PPP3CB: variants seen among roughly 807,000 people sequenced by gnomAD.
PPP3CB encodes protein phosphatase 3 catalytic subunit beta.
In PPP3CB, 8 loss-of-function variants were observed where a neutral mutation model predicts 66.4. The ratio of observed to expected loss-of-function variants is 0.12; its 90% CI spans 0.07 to 0.22. The LOEUF (loss-of-function observed/expected upper bound fraction) is 0.22, where lower values mean the gene tolerates loss of function less well. Ranked by LOEUF, PPP3CB falls within the 10% of genes least tolerant of loss-of-function variation. The pLI is 1.00. For missense variants in PPP3CB, 319 were observed against 642.5 expected, an observed-to-expected ratio of 0.50 and a Z score of 5.44; for synonymous variants, 208 against 221.2, an observed-to-expected ratio of 0.94 and a Z score of 0.53.
intron 9 of PPP3CB, among the ~76,000 whole-genome samples, chr10:73,459,128 C>T (rs1031348801): frequency 6.6e-6 from 1 of 152,046 alleles, no homozygotes; most frequent in Non-Finnish European, 1.5e-5. Flanking sequence ...TTGGCAGATC[C>T]TTAAAAGGTT....
intron 9 of PPP3CB, among the ~76,000 whole-genome samples, chr10:73,460,090 A>G (rs2056496183): frequency 6.6e-6 from 1 of 152,158 alleles, no homozygotes; most frequent in Non-Finnish European, 1.5e-5. Context: ...TGAAAGAGAA[A>G]GGCAGGAAAT....
chr10:73,484,781 G>A (rs981010934), intron 1 of PPP3CB, among the ~76,000 whole-genome samples: 2 of 152,082 alleles, frequency 1.3e-5, no homozygotes, highest in Non-Finnish European at 2.9e-5. Context: ...GCTGGGCGTG[G>A]TGGCTCACGC....
intron 12 of PPP3CB, among the ~76,000 whole-genome samples, chr10:73,443,414 T>G (rs950093144): frequency 2.0e-5 from 3 of 152,138 alleles, no homozygotes; most frequent in Non-Finnish European, 4.4e-5. Flanking sequence ...AAGTCAAATG[T>G]AAATTCATTC....
intron 8 of PPP3CB, among the ~76,000 whole-genome samples, chr10:73,468,543 A>G (rs1337709310): frequency 6.6e-6 from 1 of 152,226 alleles, no homozygotes; most frequent in Non-Finnish European, 1.5e-5. Context: ...TGCCTACCAC[A>G]GAAGTTTAAG....
chr10:73,480,569 C>G (rs188505919), intron 1 of PPP3CB, among the ~76,000 whole-genome samples: 1 of 151,980 alleles, frequency 6.6e-6, no homozygotes, highest in African/African-American at 2.4e-5. Flanking sequence ...CTCAGCCTCC[C>G]GAGTAGCTGG....
At chr10:73,487,411 G>A (rs147567720) in intron 1 of PPP3CB, among the ~76,000 whole-genome samples, 7,062 of 151,752 alleles carry the variant, frequency 0.047, 505 homozygotes, top group African/African-American at 0.15. Context: ...AGCGGGGCGT[G>A]GTGGCAGATG....
In PPP3CB at chr10:73,493,847, G is replaced by A. The variant is rs567637137; in HGVS notation, c.85+1958C>T. On this transcript the variant is annotated intron_variant, in intron 1 of 13. Transcript: ENST00000360663. Reference sequence around the variant, plus strand: ...ACACCAATAACCTGCAAATATGACTGCCTTGGACTCACAACTCACCCCTAA... The same window carrying A: ...ACACCAATAACCTGCAAATATGACTACCTTGGACTCACAACTCACCCCTAA... Among the ~76,000 whole-genome samples the A allele has an allele frequency of 6.6e-5, 10 of 152,218 alleles. No individual in the cohort carries two copies. The South Asian group carries it at 2.1e-3, about 32-fold the overall frequency.
intron 9 of PPP3CB, chr10:73,467,206 A>G (rs1237269298): frequency 6.4e-6 from 1 of 155,164 alleles, no homozygotes; most frequent in East Asian, 1.8e-4. Context: ...AATGCCCAAA[A>G]ATGGTGTTAA....
chr10:73,491,176 G>A (rs1431816686), intron 1 of PPP3CB, among the ~76,000 whole-genome samples: 4 of 151,852 alleles, frequency 2.6e-5, no homozygotes, highest in East Asian at 1.9e-4. Flanking sequence ...GATTACAGGC[G>A]TGTACCACCA....
At chr10:73,474,879 A>C in intron 4 of PPP3CB, 40 bp downstream of exon 4, 1 of 1,607,852 alleles carries the variant, frequency 6.2e-7, no homozygotes, top group East Asian at 2.2e-5. Flanking sequence ...GTCCAAAAGA[A>C]TACTGAGGAA....
chr10:73,445,571 G>A (rs11000656), intron 11 of PPP3CB, among the ~76,000 whole-genome samples: 16 of 151,204 alleles, frequency 1.1e-4, no homozygotes, highest in East Asian at 5.9e-4. Context: ...TCAGCCTCCC[G>A]AGTAGCTGGG....
intron 9 of PPP3CB, among the ~76,000 whole-genome samples, chr10:73,458,002 A>G (rs2056458328): frequency 6.6e-6 from 1 of 152,180 alleles, no homozygotes; most frequent in Non-Finnish European, 1.5e-5. Flanking sequence ...GTGGAAGATG[A>G]AATTACTTAA....
intron 9 of PPP3CB, among the ~76,000 whole-genome samples, chr10:73,460,477 T>C (rs1355031216): frequency 6.6e-6 from 1 of 152,084 alleles, no homozygotes; most frequent in Non-Finnish European, 1.5e-5. Flanking sequence ...TTAGACTGGC[T>C]TGAATGGAAG....
chr10:73,439,320 C>T (rs1328065149), intron 13 of PPP3CB, among the ~76,000 whole-genome samples: 2 of 152,062 alleles, frequency 1.3e-5, no homozygotes, highest in African/African-American at 4.8e-5. Context: ...CAAGCCAACA[C>T]ATATATATAT....
In PPP3CB at chr10:73,495,230, C is replaced by A. The variant is rs183871726; in HGVS notation, c.85+575G>T. Among the ~76,000 whole-genome samples, 82 of 152,326 alleles carry A rather than the reference C, an allele frequency of 5.4e-4. 1 individual carries two copies. Among genetic ancestry groups the A allele is most frequent in the African/African-American group, 1.7e-3 (71 of 41,574 alleles). Reference sequence around the variant, plus strand: ...GCTGGCCTTCCAATTCCTGCCCCGACCCTTCACCGTGATCCAATCCCACAA... The same window carrying A: ...GCTGGCCTTCCAATTCCTGCCCCGAACCTTCACCGTGATCCAATCCCACAA... On this transcript the variant is annotated intron_variant, in intron 1 of 13. Transcript: ENST00000360663.
chr10:73,453,197 C>T (rs1244699778), intron 10 of PPP3CB, among the ~76,000 whole-genome samples: 2 of 152,152 alleles, frequency 1.3e-5, no homozygotes, highest in African/African-American at 4.8e-5. Context: ...GTGGTCCAAT[C>T]CTTCTGCAAA....
chr10:73,441,486 C>A, intron 12 of PPP3CB, among the ~76,000 whole-genome samples: 1 of 152,138 alleles, frequency 6.6e-6, no homozygotes, highest in East Asian at 1.9e-4. Flanking sequence ...CATATGTAAT[C>A]CCAGCTACTC....
At chr10:73,452,394 T>C (rs143288919) in intron 10 of PPP3CB, among the ~76,000 whole-genome samples, 18 of 152,130 alleles carry the variant, frequency 1.2e-4, no homozygotes, top group African/African-American at 4.3e-4. Flanking sequence ...AAACAAAATA[T>C]CTATTTGAAA....
chr10:73,438,945 C>A (rs1291311874), intron 13 of PPP3CB, among the ~76,000 whole-genome samples: 1 of 151,162 alleles, frequency 6.6e-6, no homozygotes. Context: ...TCAAGGTCAG[C>A]CCATCGCCAC....
Sources: gnomAD v4.1 joint callset for allele counts (sites outside exome capture counted in the v4.1 genomes callset) on GRCh38, gnomAD v4.1.1 for gene constraint, MANE v1.5 for transcripts, NCBI Gene and HGNC (gene_info 2026-07-23, HGNC 2026-07-21) for gene names.